The following CFDP1 variants were observed in gnomAD, a reference collection of about 807,000 sequenced individuals.
CFDP1 encodes the protein chromatin remodeling protein CFDP1, also known as heterochromatin-stabilizing protein CFDP1.
A neutral mutation model predicts 40.1 loss-of-function variants in CFDP1; 31 were observed. The observed-to-expected ratio is 0.77, with a 90% CI of 0.58 to 1.04. The LOEUF (loss-of-function observed/expected upper bound fraction) is 1.04. Among genes scored for constraint, CFDP1 ranks in the 50% least tolerant of loss-of-function variants. The probability of loss-of-function intolerance (pLI) is 0.00; values close to 1 mark genes in which losing one functional copy is unlikely to be tolerated. For synonymous variants in CFDP1, 167 were observed against 120.0 expected (o/e 1.39, Z -2.56); for missense variants, 423 against 343.4 (o/e 1.23, Z -1.83).
chr16:75,408,005 G>A (rs1372414106), intron 4 of CFDP1, among the ~76,000 whole-genome samples: 2 of 152,030 alleles, frequency 1.3e-5, no homozygotes, highest in East Asian at 1.9e-4. Flanking sequence ...TCGGCAGGCT[G>A]AGGTGGGAGA....
intron 1 of CFDP1, 28 bp downstream of exon 1, chr16:75,433,261 G>C (rs367880270): frequency 1.3e-6 from 2 of 1,577,992 alleles, no homozygotes; most frequent in Non-Finnish European, 1.7e-6. Context: ...GGGGCAATTC[G>C]CTTCTCGCCT....
At chr16:75,298,471 A>G (rs2078199700) in intron 6 of CFDP1, among the ~76,000 whole-genome samples, 1 of 152,230 alleles carries the variant, frequency 6.6e-6, no homozygotes, top group Non-Finnish European at 1.5e-5. Flanking sequence ...CCAAAGCTGC[A>G]TTACTATCAT....
At chr16:75,409,813 G>A (rs2079140579) in intron 4 of CFDP1, among the ~76,000 whole-genome samples, 1 of 152,188 alleles carries the variant, frequency 6.6e-6, no homozygotes, top group Non-Finnish European at 1.5e-5. Context: ...TCATAGGTAT[G>A]TAGGTGTTTG....
chr16:75,400,444 A>G (rs1567672705), intron 4 of CFDP1, among the ~76,000 whole-genome samples: 1 of 152,210 alleles, frequency 6.6e-6, no homozygotes, highest in Admixed American at 6.5e-5. Flanking sequence ...GGCTCATTAA[A>G]TTGAGACACC....
intron 6 of CFDP1, among the ~76,000 whole-genome samples, chr16:75,302,521 G>C (rs1025975371): frequency 1.3e-5 from 2 of 152,220 alleles, no homozygotes; most frequent in African/African-American, 4.8e-5. Flanking sequence ...AAAGTGCTGG[G>C]ATTGCAGGAG....
At chr16:75,392,866 G>C (rs1029666472) in intron 5 of CFDP1, among the ~76,000 whole-genome samples, 12 of 152,212 alleles carry the variant, frequency 7.9e-5, no homozygotes, top group Non-Finnish European at 2.9e-5. Flanking sequence ...CTGATTTTAT[G>C]TCATTTCTAC....
chr16:75,342,062 T>C (rs2078531052), intron 5 of CFDP1, among the ~76,000 whole-genome samples: 2 of 152,236 alleles, frequency 1.3e-5, no homozygotes, highest in African/African-American at 4.8e-5. Context: ...TTTAAGGATG[T>C]ACCTCATCCC....
chr16:75,327,136 G>A (rs899587438), intron 5 of CFDP1, among the ~76,000 whole-genome samples: 5 of 152,050 alleles, frequency 3.3e-5, no homozygotes, highest in Non-Finnish European at 7.4e-5. Flanking sequence ...GCGTGGTGGC[G>A]GACGCCTGTA....
intron 5 of CFDP1, among the ~76,000 whole-genome samples, chr16:75,307,781 A>C (rs1323983880): frequency 6.6e-6 from 1 of 152,078 alleles, no homozygotes; most frequent in African/African-American, 2.4e-5. Flanking sequence ...GCTGGTATCA[A>C]ACTCTTGGAC....
intron 4 of CFDP1, among the ~76,000 whole-genome samples, chr16:75,397,791 G>T (rs755924953): frequency 6.6e-6 from 1 of 151,864 alleles, no homozygotes; most frequent in African/African-American, 2.4e-5. Flanking sequence ...GGGCGACAGC[G>T]AGACTCCGTC....
At chr16:75,431,048 A>G (rs1389284081) in intron 1 of CFDP1, among the ~76,000 whole-genome samples, 3 of 152,178 alleles carry the variant, frequency 2.0e-5, no homozygotes, top group African/African-American at 7.2e-5. Context: ...AAGTAGCAAC[A>G]AAAAATGGCA....
chr16:75,306,769 A>G (rs1400923476), intron 5 of CFDP1, among the ~76,000 whole-genome samples: 1 of 152,126 alleles, frequency 6.6e-6, no homozygotes, highest in Non-Finnish European at 1.5e-5. Flanking sequence ...TTTACTTCCC[A>G]GTTTGCTTAA....
chr16:75,317,026 T>TA (rs2078327880), intron 5 of CFDP1, among the ~76,000 whole-genome samples: 1 of 151,874 alleles, frequency 6.6e-6, no homozygotes, highest in Non-Finnish European at 1.5e-5. Flanking sequence ...AAATAAAAAG[T>TA]AAAAGAGCAG....
chr16:75,428,574 G>A (rs867170252), intron 1 of CFDP1, among the ~76,000 whole-genome samples: 1 of 151,584 alleles, frequency 6.6e-6, no homozygotes, highest in African/African-American at 2.4e-5. Flanking sequence ...CCGAGATTGC[G>A]CCACTGCACT....
chr16:75,300,126 G>T (rs2078212012), intron 6 of CFDP1, among the ~76,000 whole-genome samples: 1 of 152,170 alleles, frequency 6.6e-6, no homozygotes, highest in African/African-American at 2.4e-5. Flanking sequence ...GGATGAAAGG[G>T]TACAGAGGTA....
Position 75,399,592 on chromosome 16 carries a change from T to C in CFDP1, c.531-4383A>G, listed in dbSNP as rs186850337. Reference sequence around the variant, plus strand: ...CAGAGTCTCACCATGTTGCCTGGGCTGGATTCAAACTCCTGGGCTCAAGTG... The same window carrying C: ...CAGAGTCTCACCATGTTGCCTGGGCCGGATTCAAACTCCTGGGCTCAAGTG... On this transcript the variant is annotated intron_variant, in intron 4 of 6. Coordinates refer to ENST00000283882, the MANE Select transcript of CFDP1 (RefSeq NM_006324.3). 3.8e-3 allele frequency among the ~76,000 whole-genome samples: 580 copies of C among 152,282 alleles called. 3 individuals are homozygous for C. Among genetic ancestry groups the C allele is most frequent in the African/African-American group, 0.013 (560 of 41,592 alleles).
chr16:75,416,959 A>C (rs921358263), intron 1 of CFDP1, among the ~76,000 whole-genome samples: 1 of 152,170 alleles, frequency 6.6e-6, no homozygotes, highest in Admixed American at 6.6e-5. Flanking sequence ...ATCTGAACAT[A>C]GAAATGTAAT....
At chr16:75,318,964 G>A (rs373825272) in intron 5 of CFDP1, among the ~76,000 whole-genome samples, 2 of 152,134 alleles carry the variant, frequency 1.3e-5, no homozygotes, top group East Asian at 3.9e-4. Flanking sequence ...AAATGAGAAG[G>A]CACATTAAGC....
At chr16:75,394,346 C>G (rs527729144) in intron 5 of CFDP1, among the ~76,000 whole-genome samples, 49 of 152,234 alleles carry the variant, frequency 3.2e-4, no homozygotes, top group African/African-American at 1.2e-3. Context: ...AGAATTCTAG[C>G]CTTCAGCTAA....
Sources: gnomAD v4.1 joint callset for allele counts (sites outside exome capture counted in the v4.1 genomes callset) on GRCh38, gnomAD v4.1.1 for gene constraint, MANE v1.5 for transcripts, NCBI Gene and HGNC (gene_info 2026-07-23, HGNC 2026-07-21) for gene names.